LRRC4C: variants seen among roughly 807,000 people sequenced by gnomAD.
The protein encoded by LRRC4C is leucine rich repeat containing 4C, also known as leucine-rich repeat-containing protein 4C.
Under a neutral mutation model 33.6 loss-of-function variants are expected in LRRC4C, and 5 were observed. The observed-to-expected ratio is 0.15, with a 90% CI of 0.08 to 0.31. The LOEUF (loss-of-function observed/expected upper bound fraction) is 0.31. Ranked by LOEUF, LRRC4C falls within the 10% of genes least tolerant of loss-of-function variation. The probability of loss-of-function intolerance (pLI) is 1.00; values close to 1 mark genes in which losing one functional copy is unlikely to be tolerated. For missense variants in LRRC4C, 560 were observed against 796.7 expected, an observed-to-expected ratio of 0.70 and a Z score of 3.58; for synonymous variants, 329 against 302.0, an observed-to-expected ratio of 1.09 and a Z score of -0.93.
intron 1 of LRRC4C, among the ~76,000 whole-genome samples, chr11:41,193,718 G>A (rs936624123): frequency 2.0e-5 from 3 of 152,024 alleles, no homozygotes; most frequent in East Asian, 3.9e-4. Context: ...AGTGCCAGAC[G>A]AGGTAGAAAT....
chr11:40,893,413 C>T (rs1955804676), intron 2 of LRRC4C, among the ~76,000 whole-genome samples: 1 of 151,888 alleles, frequency 6.6e-6, no homozygotes, highest in Non-Finnish European at 1.5e-5. Flanking sequence ...ATGATGAATG[C>T]TTGAGGTGAT....
intron 1 of LRRC4C, among the ~76,000 whole-genome samples, chr11:40,973,396 G>C (rs1246134002): frequency 6.6e-6 from 1 of 152,116 alleles, no homozygotes; most frequent in Non-Finnish European, 1.5e-5. Context: ...ATGGATAATT[G>C]TCAGACAAGA....
intron 3 of LRRC4C, among the ~76,000 whole-genome samples, chr11:40,498,445 C>T (rs1480227072): frequency 1.3e-5 from 2 of 152,156 alleles, no homozygotes; most frequent in Admixed American, 6.5e-5. Flanking sequence ...TATAGGTTTA[C>T]TTCTTCTCCA....
At chr11:40,460,159 A>G (rs1230751689) in intron 3 of LRRC4C, among the ~76,000 whole-genome samples, 2 of 152,104 alleles carry the variant, frequency 1.3e-5, no homozygotes, top group Admixed American at 6.6e-5. Context: ...TCTCACTGGT[A>G]CCAACTCCAG....
chr11:41,281,042 T>TCCTC (rs1949647009), intron 1 of LRRC4C, among the ~76,000 whole-genome samples: 1 of 76,194 alleles, frequency 1.3e-5, no homozygotes, highest in Non-Finnish European at 2.3e-5. Context: ...AATACATATT[T>TCCTC]TCTCTCTCTC....
rs116052789 is a variant in LRRC4C, at chr11:40,662,496, G to A, written c.-406-14218C>T. On this transcript the variant is annotated intron_variant, in intron 2 of 6. Transcript: ENST00000528697. ...TGGGCAGGGATTTCTGGGTCTGAAT[G>A]AACACTGGGGCATGGTCTAGAATAC... is the stretch of plus-strand genomic sequence containing the variant. Among the ~76,000 whole-genome samples, 553 of 152,310 alleles carry A rather than the reference G, an allele frequency of 3.6e-3. 5 individuals carry two copies. The highest frequency in any genetic ancestry group is 0.013 in the African/African-American group (537 of 41,578).
At chr11:40,217,995 GAA>G (rs1309112900) in intron 5 of LRRC4C, among the ~76,000 whole-genome samples, 1 of 152,026 alleles carries the variant, frequency 6.6e-6, no homozygotes, top group Non-Finnish European at 1.5e-5. Flanking sequence ...TGAAGTCATA[GAA>G]AAAGTCAAAA....
intron 3 of LRRC4C, among the ~76,000 whole-genome samples, chr11:40,338,708 G>A (rs1015955680): frequency 1.3e-5 from 2 of 151,980 alleles, no homozygotes; most frequent in African/African-American, 2.4e-5. Context: ...ATGACAGCAG[G>A]GAATTTGTTA....
At chr11:41,318,920 C>T (rs949931418) in intron 1 of LRRC4C, among the ~76,000 whole-genome samples, 8 of 152,190 alleles carry the variant, frequency 5.3e-5, no homozygotes, top group Admixed American at 1.3e-4. Flanking sequence ...TACCTTAATT[C>T]GCTTACAATT....
At chr11:41,254,864 T>C (rs1948750518) in intron 1 of LRRC4C, among the ~76,000 whole-genome samples, 1 of 152,030 alleles carries the variant, frequency 6.6e-6, no homozygotes, top group African/African-American at 2.4e-5. Flanking sequence ...ATAAAACTTT[T>C]ATCATCCTAG....
chr11:41,075,415 T>C (rs552982027), intron 1 of LRRC4C, among the ~76,000 whole-genome samples: 1 of 152,302 alleles, frequency 6.6e-6, no homozygotes, highest in Admixed American at 6.5e-5. Flanking sequence ...ATTAAGCCTC[T>C]AGGATGGGCT....
intron 1 of LRRC4C, among the ~76,000 whole-genome samples, chr11:41,204,713 T>TTC (rs879887861): frequency 4.8e-4 from 73 of 152,296 alleles, no homozygotes; most frequent in Non-Finnish European, 9.1e-4. Context: ...TTTTTTTCCT[T>TTC]TTTGCCTTTC....
At chr11:40,224,391 T>G (rs890449409) in intron 5 of LRRC4C, among the ~76,000 whole-genome samples, 1 of 152,234 alleles carries the variant, frequency 6.6e-6, no homozygotes, top group Admixed American at 6.5e-5. Context: ...AATTCTTTCA[T>G]TATTTGCCTG....
At chr11:40,853,157 C>T (rs939224919) in intron 2 of LRRC4C, among the ~76,000 whole-genome samples, 2 of 151,932 alleles carry the variant, frequency 1.3e-5, no homozygotes, top group African/African-American at 2.4e-5. Flanking sequence ...GTAAACTAAC[C>T]TATGCTGCTT....
At chr11:41,032,354 C>T (rs1181383618) in intron 1 of LRRC4C, among the ~76,000 whole-genome samples, 1 of 152,018 alleles carries the variant, frequency 6.6e-6, no homozygotes, top group Non-Finnish European at 1.5e-5. Flanking sequence ...TAACACTCAT[C>T]TAACTTTGTA....
At chr11:41,422,074 T>C (rs1273703942) in intron 1 of LRRC4C, among the ~76,000 whole-genome samples, 1 of 152,102 alleles carries the variant, frequency 6.6e-6, no homozygotes, top group Non-Finnish European at 1.5e-5. Flanking sequence ...AAAACTGCAT[T>C]CATGAGAAGG....
intron 3 of LRRC4C, among the ~76,000 whole-genome samples, chr11:40,392,472 C>G (rs959622562): frequency 1.3e-5 from 2 of 151,848 alleles, no homozygotes; most frequent in Admixed American, 1.3e-4. Flanking sequence ...TTTCTGTAAA[C>G]TTAAAATTGC....
chr11:41,384,633 A>G lies in LRRC4C; in HGVS notation c.-496+74798T>C, dbSNP rs1283346937. Among the ~76,000 whole-genome samples the G allele has an allele frequency of 2.0e-5, 3 of 151,380 alleles. No homozygotes were observed. In the East Asian group the frequency reaches 6.0e-4, roughly 30 times the overall value. ...TTAAAGAGTAGTTTCTGAAGACCAG[A>G]TAAAATATGTGTACTCTGAAGACCT... On this transcript the variant is annotated intron_variant, in intron 1 of 6. Transcript: ENST00000528697.
At chr11:41,156,096 C>T (rs1944220237) in intron 1 of LRRC4C, among the ~76,000 whole-genome samples, 1 of 152,054 alleles carries the variant, frequency 6.6e-6, no homozygotes, top group Non-Finnish European at 1.5e-5. Context: ...AACCCACGGA[C>T]CCATCTACGC....
Sources: gnomAD v4.1 joint callset for allele counts (sites outside exome capture counted in the v4.1 genomes callset) on GRCh38, gnomAD v4.1.1 for gene constraint, MANE v1.5 for transcripts, NCBI Gene and HGNC (gene_info 2026-07-23, HGNC 2026-07-21) for gene names.